GALNT7: variants seen among roughly 807,000 people sequenced by gnomAD.
GALNT7 encodes polypeptide N-acetylgalactosaminyltransferase 7, also known as N-acetylgalactosaminyltransferase 7.
A neutral mutation model predicts 82.1 loss-of-function variants in GALNT7; 60 were observed. The ratio of observed to expected loss-of-function variants is 0.73; its 90% CI spans 0.59 to 0.91. GALNT7 has a LOEUF of 0.91. Ranked by LOEUF, GALNT7 falls within the 40% of genes least tolerant of loss-of-function variation. The pLI is 0.00. For synonymous variants in GALNT7, 243 were observed against 275.1 expected (o/e 0.88, Z 1.15); for missense variants, 660 against 804.2 (o/e 0.82, Z 2.17).
At chr4:173,182,699 G>A (rs1301692329) in intron 1 of GALNT7, among the ~76,000 whole-genome samples, 5 of 96,762 alleles carry the variant, frequency 5.2e-5, no homozygotes, top group Non-Finnish European at 5.8e-5. Context: ...CACACACAGC[G>A]TGTTGCCCCG....
Position 173,248,108 on chromosome 4 carries a change from TAGA to T in GALNT7, c.260_262del (p.Arg87del). The T allele has an allele frequency of 6.2e-7, 1 of 1,613,748 alleles. No homozygotes were observed. The highest frequency in any genetic ancestry group is 2.2e-5 in the East Asian group (1 of 44,852). ...GAGTAGAAGTGGACTTAGAGTCTATTAGAAGAATAAACAAGGCCAAAAATGAAC... is the reference window on the plus strand; with the variant it reads ...GAGTAGAAGTGGACTTAGAGTCTATTAGAATAAACAAGGCCAAAAATGAAC... On this transcript the variant is annotated inframe_deletion, in exon 2 of 12. Coordinates refer to ENST00000265000, the MANE Select transcript of GALNT7 (RefSeq NM_017423.3).
At chr4:173,279,121 A>G (rs111410432) in intron 2 of GALNT7, among the ~76,000 whole-genome samples, 2,289 of 152,276 alleles carry the variant, frequency 0.015, 69 homozygotes, top group African/African-American at 0.052. Flanking sequence ...AGACCGGGTA[A>G]TTTATGAAGA....
At chr4:173,182,812 C>A (rs1405568940) in intron 1 of GALNT7, among the ~76,000 whole-genome samples, 5 of 103,222 alleles carry the variant, frequency 4.8e-5, no homozygotes, top group Admixed American at 1.9e-4. Flanking sequence ...GTAGGTTACT[C>A]ATAATACACA....
chr4:173,182,661 T>TACAC (rs60501649), intron 1 of GALNT7, among the ~76,000 whole-genome samples: 3,089 of 133,444 alleles, frequency 0.023, 91 homozygotes, highest in African/African-American at 0.063. Context: ...TTACTCATAA[T>TACAC]ACACACACAC....
intron 1 of GALNT7, among the ~76,000 whole-genome samples, chr4:173,192,591 A>G (rs1053695172): frequency 6.6e-6 from 1 of 152,130 alleles, no homozygotes; most frequent in Non-Finnish European, 1.5e-5. Context: ...TCATATGTAC[A>G]CTCGAGTTCT....
chr4:173,290,307 A>G (rs1013266520), intron 2 of GALNT7, among the ~76,000 whole-genome samples: 1 of 152,252 alleles, frequency 6.6e-6, no homozygotes, highest in Admixed American at 6.5e-5. Context: ...AAACATTATT[A>G]TAATGTTTTC....
intron 2 of GALNT7, among the ~76,000 whole-genome samples, chr4:173,288,315 A>ATATGAATT (rs1736413959): frequency 6.7e-6 from 1 of 150,184 alleles, no homozygotes; most frequent in Non-Finnish European, 1.5e-5. Context: ...AGAAAAGAAC[A>ATATGAATT]TATGAATTGA....
chr4:173,182,925 T>TACACAC lies in GALNT7; in HGVS notation c.126+13981_126+13986dup, dbSNP rs61378172. 1.4e-3 allele frequency among the ~76,000 whole-genome samples: 191 copies of TACACAC among 134,292 alleles called. 3 individuals carry two copies. The highest frequency in any genetic ancestry group is 5.1e-3 in the African/African-American group (173 of 34,220). 88.1% of individuals were successfully genotyped at this position (134,292 alleles called of 152,430 possible). The stretch of plus-strand genomic sequence containing the variant: ...GATGAGGCTAGCAGGTTACTCATAA[T>TACACAC]ACACACACACACACACACACACTCT... On this transcript the variant is annotated intron_variant, in intron 1 of 11. Transcript: ENST00000265000.
chr4:173,174,271 T>G (rs1324418110), intron 1 of GALNT7, among the ~76,000 whole-genome samples: 4 of 152,298 alleles, frequency 2.6e-5, no homozygotes, highest in African/African-American at 9.6e-5. Flanking sequence ...CATTTTTTTC[T>G]AGGTTGATAA....
intron 1 of GALNT7, among the ~76,000 whole-genome samples, chr4:173,172,844 G>A (rs1731919034): frequency 6.6e-6 from 1 of 152,134 alleles, no homozygotes; most frequent in African/African-American, 2.4e-5. Context: ...GGAAAGCATG[G>A]GTCTCGTAGT....
chr4:173,259,260 A>C (rs1481722438), intron 2 of GALNT7, among the ~76,000 whole-genome samples: 1 of 152,226 alleles, frequency 6.6e-6, no homozygotes, highest in East Asian at 1.9e-4. Flanking sequence ...AAATGGGACA[A>C]ATAGATAGGA....
chr4:173,261,959 T>C (rs1183493453), intron 2 of GALNT7, among the ~76,000 whole-genome samples: 1 of 152,158 alleles, frequency 6.6e-6, no homozygotes, highest in Non-Finnish European at 1.5e-5. Flanking sequence ...AATAATTTCA[T>C]TACATATTAC....
intron 1 of GALNT7, among the ~76,000 whole-genome samples, chr4:173,216,727 ATTTTT>A (rs1554022010): frequency 3.9e-4 from 5 of 12,980 alleles, no homozygotes; most frequent in Non-Finnish European, 5.5e-4. Context: ...ATATATATAT[ATTTTT>A]TTTTTTTTTT....
rs1306106164 is a variant in GALNT7 at position 173,248,044 on chromosome 4, A to G, written c.191A>G (p.Asp64Gly). The G allele has an allele frequency of 6.2e-7, 1 of 1,613,740 alleles. No individual in the cohort carries two copies. Among genetic ancestry groups the G allele is most frequent in the Non-Finnish European group, 8.5e-7 (1 of 1,179,746 alleles). ...GGCAATGGACTAGCTCCTGGGGAGGACAGATTCAAACCTGTGGTACCATGG... is the reference window on the plus strand; with the variant it reads ...GGCAATGGACTAGCTCCTGGGGAGGGCAGATTCAAACCTGTGGTACCATGG... The part of the protein sequence containing the change: ...RGGNGLAPGE[D>G]RFKPVVPWPH... Residue 64 changes from aspartate to glycine, a missense_variant, in exon 2 of 12, where the codon GAC becomes GGC. Asp to Gly is a moderately conservative substitution (Grantham distance 94). Coordinates refer to ENST00000265000, the MANE Select transcript of GALNT7 (RefSeq NM_017423.3).
chr4:173,224,131 G>T (rs1369299899), intron 1 of GALNT7, among the ~76,000 whole-genome samples: 2 of 152,140 alleles, frequency 1.3e-5, no homozygotes, highest in African/African-American at 4.8e-5. Flanking sequence ...TGTTCCATCA[G>T]ACTCTGTTGT....
chr4:173,251,443 G>A (rs1327510717), intron 2 of GALNT7, among the ~76,000 whole-genome samples: 2 of 152,082 alleles, frequency 1.3e-5, no homozygotes, highest in African/African-American at 4.8e-5. Flanking sequence ...GTCAACATTC[G>A]AATGTTTTCA....
intron 1 of GALNT7, among the ~76,000 whole-genome samples, chr4:173,177,354 C>T (rs1732080617): frequency 1.3e-5 from 2 of 152,100 alleles, no homozygotes; most frequent in South Asian, 4.1e-4. Flanking sequence ...TTTTATAGAA[C>T]ACAGGTCAGT....
chr4:173,200,110 CA>C (rs1472527070), intron 1 of GALNT7, among the ~76,000 whole-genome samples: 1 of 152,140 alleles, frequency 6.6e-6, no homozygotes, highest in East Asian at 1.9e-4. Context: ...AAAATTAAAG[CA>C]ATTATTAAAA....
chr4:173,290,217 C>T (rs2126825931), intron 2 of GALNT7, among the ~76,000 whole-genome samples: 1 of 152,056 alleles, frequency 6.6e-6, no homozygotes, highest in South Asian at 2.1e-4. Context: ...AAATGCCCAT[C>T]AATAAGGAAG....
Sources: gnomAD v4.1 joint callset for allele counts (sites outside exome capture counted in the v4.1 genomes callset) on GRCh38, gnomAD v4.1.1 for gene constraint, MANE v1.5 for transcripts, NCBI Gene and HGNC (gene_info 2026-07-23, HGNC 2026-07-21) for gene names.